The following DLD variants were observed in gnomAD, a reference collection of about 807,000 sequenced individuals.
DLD encodes the protein dihydrolipoamide dehydrogenase, also known as dihydrolipoyl dehydrogenase, mitochondrial.
Under a neutral mutation model 62.2 loss-of-function variants are expected in DLD, and 36 were observed. That is an observed-to-expected ratio of 0.58 (90% confidence interval 0.44 to 0.76). The LOEUF (loss-of-function observed/expected upper bound fraction) is 0.76, where lower values mean the gene tolerates loss of function less well. Among genes scored for constraint, DLD ranks in the 30% least tolerant of loss-of-function variants. The pLI is 0.00. For synonymous variants in DLD, 204 were observed against 199.6 expected (o/e 1.02, Z -0.19); for missense variants, 541 against 608.6 (o/e 0.89, Z 1.17).
chr7:107,891,149 AG>A (rs997593096), upstream of DLD: 45 of 1,432,202 alleles, frequency 3.1e-5, no homozygotes, highest in South Asian at 3.6e-4. Flanking sequence ...GTGATGACGT[AG>A]GCTGCGCCTG....
chr7:107,915,897 A>G (rs890969098), intron 9 of DLD, among the ~76,000 whole-genome samples: 1 of 152,166 alleles, frequency 6.6e-6, no homozygotes, highest in Non-Finnish European at 1.5e-5. Context: ...AGAGAATCCA[A>G]TATTCTCATT....
At chr7:107,893,660 G>A in intron 2 of DLD, 1 of 159,746 alleles carries the variant, frequency 6.3e-6, no homozygotes, top group Non-Finnish European at 1.4e-5. Flanking sequence ...GGGGAGTGAG[G>A]TTACTTCAGG....
At chr7:107,902,954 T>A (rs2031911812) in intron 4 of DLD, among the ~76,000 whole-genome samples, 1 of 152,178 alleles carries the variant, frequency 6.6e-6, no homozygotes, top group African/African-American at 2.4e-5. Context: ...TCTTTTTAAA[T>A]TTTTATTGTA....
Position 107,919,355 on chromosome 7 carries a change from C to T in DLD, c.*96C>T. ...GATATTCTCACAGCTCCAAGAATTT[C>T]TAGGACTGAATTATGAAACTTTTGG... On this transcript the variant is annotated 3_prime_UTR_variant, in exon 14 of 14. Transcript: ENST00000205402. The T allele has an allele frequency of 9.9e-7, 1 of 1,011,654 alleles. No homozygotes were observed. The highest frequency in any genetic ancestry group is 1.6e-5 in the African/African-American group (1 of 62,228). 62.7% of individuals were successfully genotyped at this position (1,011,654 alleles called of 1,614,324 possible).
intron 2 of DLD, among the ~76,000 whole-genome samples, chr7:107,896,822 A>G (rs936735251): frequency 1.3e-5 from 2 of 151,144 alleles, no homozygotes; most frequent in Admixed American, 1.3e-4. Context: ...CTTTTTAAAA[A>G]TCTGGTTTTG....
At position 107,918,950 on chromosome 7, in the gene DLD, A is replaced by G. The variant is rs996688947; in HGVS notation, c.1375-60A>G. On this transcript the variant is annotated intron_variant, in intron 12 of 13. Coordinates refer to ENST00000205402, the MANE Select transcript of DLD (RefSeq NM_000108.5). ...TAAAAGCTTCCCCTCAACAATTGCT[A>G]TCCTATTAGCATGTAGTTTTTGCCT... 7 of 1,360,120 alleles carry G rather than the reference A, an allele frequency of 5.1e-6. No individual in the cohort carries two copies. The African/African-American group carries it at 5.7e-5, about 11-fold the overall frequency. The allele number at this position is 1,360,120 out of a possible 1,614,324, so 84.3% of individuals were successfully genotyped here. A position where few individuals can be genotyped will look rare whatever the true frequency, so the allele number is the denominator to read the frequency against.
Position 107,915,419 on chromosome 7 carries a change from T to C in DLD, c.685-87T>C, listed in dbSNP as rs1399084448. On this transcript the variant is annotated intron_variant, in intron 8 of 13. Coordinates refer to ENST00000205402, the MANE Select transcript of DLD (RefSeq NM_000108.5). ...GGAACATACTAGCGAAAGAAGAAAATGTTTTACAATAAATTATTAAGATGA... is the reference window on the plus strand; with the variant it reads ...GGAACATACTAGCGAAAGAAGAAAACGTTTTACAATAAATTATTAAGATGA... 5 of 1,438,128 alleles carry C rather than the reference T, an allele frequency of 3.5e-6. No homozygotes were observed. In the Admixed American group the frequency reaches 8.7e-5, roughly 25 times the overall value. 89.1% of individuals were successfully genotyped at this position (1,438,128 alleles called of 1,614,324 possible). A position where few individuals can be genotyped will look rare whatever the true frequency, so the allele number is the denominator to read the frequency against.
rs2032400673 is a variant in DLD at position 107,921,152 on chromosome 7, T to G, written c.*1893T>G. On this transcript the variant is annotated 3_prime_UTR_variant, in exon 14 of 14. Coordinates refer to ENST00000205402, the MANE Select transcript of DLD (RefSeq NM_000108.5). ...TTCAGTATGAGAATGCAAATTTATC[T>G]GTATGGGGAATAAAGTCCTAGGAAT... 6.6e-6 allele frequency: 1 copy of G among 152,374 alleles called. No individual in the cohort carries two copies. The highest frequency in any genetic ancestry group is 2.1e-4 in the South Asian group (1 of 4,838). The allele number at this position is 152,374 out of a possible 1,614,324, so 9.4% of individuals were successfully genotyped here.
Position 107,894,947 on chromosome 7 carries a change from T to G in DLD, c.118+1669T>G, listed in dbSNP as rs114456529. Among the ~76,000 whole-genome samples the G allele has an allele frequency of 3.8e-3, 584 of 152,320 alleles. 6 individuals carry two copies. Among genetic ancestry groups the G allele is most frequent in the African/African-American group, 0.013 (558 of 41,564 alleles). On this transcript the variant is annotated intron_variant, in intron 2 of 13. Transcript: ENST00000205402. The stretch of plus-strand genomic sequence containing the variant: ...AGGACAGGGACTGTGTGTGACTGTT[T>G]TGTTTAGTATCTAAAGTGATACAGT...
Position 107,906,307 on chromosome 7 carries a change from C to CT in DLD, c.626dup (p.Leu209PhefsTer35). On this transcript the variant is annotated frameshift_variant, in exon 8 of 14. Transcript: ENST00000205402. LOFTEE classifies it high-confidence loss of function. Reference sequence around the variant, plus strand: ...ATAGTGTCATCTACAGGTGCTTTATCTTTAAAAAAAGTTCCAGAAAAGATG... The same window carrying CT: ...ATAGTGTCATCTACAGGTGCTTTATCTTTTAAAAAAAGTTCCAGAAAAGATG... 1 of 1,608,920 alleles carries CT rather than the reference C, an allele frequency of 6.2e-7. No individual in the cohort carries two copies. The highest frequency in any genetic ancestry group is 8.5e-7 in the Non-Finnish European group (1 of 1,175,424).
chr7:107,913,238 A>G (rs919418334), intron 8 of DLD, among the ~76,000 whole-genome samples: 2 of 152,082 alleles, frequency 1.3e-5, no homozygotes, highest in African/African-American at 4.8e-5. Flanking sequence ...TGATGTTTCC[A>G]GCTTTCTTCT....
intron 1 of DLD, among the ~76,000 whole-genome samples, chr7:107,892,491 T>C (rs2031609198): frequency 1.3e-5 from 2 of 152,182 alleles, no homozygotes; most frequent in African/African-American, 2.4e-5. Flanking sequence ...AAGATTATCA[T>C]GTATAGATTA....
At chr7:107,899,686 G>A (rs973974222) in intron 2 of DLD, among the ~76,000 whole-genome samples, 1 of 151,912 alleles carries the variant, frequency 6.6e-6, no homozygotes, top group African/African-American at 2.4e-5. Flanking sequence ...AGTGAGAAAA[G>A]AATATAAAAT....
intron 7 of DLD, chr7:107,905,906 T>C: frequency 3.1e-6 from 1 of 323,566 alleles, no homozygotes. Flanking sequence ...GAGGATTGGT[T>C]CCAGGACCCC....
At position 107,903,467 on chromosome 7, in the gene DLD, A is replaced by T; in HGVS notation, c.268-11A>T. On this transcript the variant is annotated splice_polypyrimidine_tract_variant and intron_variant, in intron 4 of 13. Transcript: ENST00000205402. ...AATATTTGATAATTTGATCTTTTTA[A>T]TTTCCTTTAGGCTTTATTGAACAAC... 2 of 1,512,876 alleles carry T rather than the reference A, an allele frequency of 1.3e-6. No homozygotes were observed. Among genetic ancestry groups the T allele is most frequent in the Non-Finnish European group, 1.8e-6 (2 of 1,089,234 alleles). The allele number at this position is 1,512,876 out of a possible 1,614,324, so 93.7% of individuals were successfully genotyped here. A position where few individuals can be genotyped will look rare whatever the true frequency, so the allele number is the denominator to read the frequency against.
Position 107,916,930 on chromosome 7 carries a change from C to G in DLD, c.1012C>G (p.Pro338Ala). 1 of 1,613,624 alleles carries G rather than the reference C, an allele frequency of 6.2e-7. No individual in the cohort carries two copies. Among genetic ancestry groups the G allele is most frequent in the Non-Finnish European group, 8.5e-7 (1 of 1,179,952 alleles). ...GIELDPRGRIPVNTRFQTKIP... is the reference protein window; with the variant it reads ...GIELDPRGRIAVNTRFQTKIP... Reference sequence around the variant, plus strand: ...TGAACTAGATCCCAGAGGTAGAATTCCAGTCAATACCAGATTTCAAACTAA... The same window carrying G: ...TGAACTAGATCCCAGAGGTAGAATTGCAGTCAATACCAGATTTCAAACTAA... Residue 338 changes from proline to alanine, a missense_variant, in exon 10 of 14, where the codon CCA becomes GCA. By Grantham distance (27) the Pro-to-Ala change is conservative. Coordinates refer to ENST00000205402, the MANE Select transcript of DLD (RefSeq NM_000108.5).
At chr7:107,898,363 G>GT (rs2031787138) in intron 2 of DLD, among the ~76,000 whole-genome samples, 1 of 137,798 alleles carries the variant, frequency 7.3e-6, no homozygotes, top group Non-Finnish European at 1.5e-5. Flanking sequence ...TCACTGCGAC[G>GT]TCCCCCTCCT....
intron 2 of DLD, 123 bp from the exon 3 acceptor site, chr7:107,901,615 A>G: frequency 1.3e-6 from 1 of 780,542 alleles, no homozygotes; most frequent in Non-Finnish European, 2.2e-6. Flanking sequence ...GAAACTATGT[A>G]GAAAATGCTG....
intron 8 of DLD, among the ~76,000 whole-genome samples, chr7:107,911,924 T>C (rs1380586864): frequency 1.3e-5 from 2 of 152,086 alleles, no homozygotes; most frequent in African/African-American, 4.8e-5. Context: ...CTCTTATTTA[T>C]TCTGTCTAAT....
Sources: gnomAD v4.1 joint callset for allele counts (sites outside exome capture counted in the v4.1 genomes callset) on GRCh38, gnomAD v4.1.1 for gene constraint, MANE v1.5 for transcripts, NCBI Gene and HGNC (gene_info 2026-07-23, HGNC 2026-07-21) for gene names.